Variants in CHTOP observed in about 807,000 individuals in gnomAD.
The protein encoded by CHTOP is chromatin target of PRMT1.
CHTOP carries 18 observed loss-of-function variants against 33.6 expected under a neutral mutation model. The ratio of observed to expected loss-of-function variants is 0.54; its 90% CI spans 0.37 to 0.80. The LOEUF is 0.80. Among genes scored for constraint, CHTOP ranks in the 30% least tolerant of loss-of-function variants. The probability of loss-of-function intolerance (pLI) is 0.00; values close to 1 mark genes in which losing one functional copy is unlikely to be tolerated. For missense variants in CHTOP, 263 were observed against 336.8 expected, an observed-to-expected ratio of 0.78 and a Z score of 1.71; for synonymous variants, 117 against 127.7, an observed-to-expected ratio of 0.92 and a Z score of 0.56.
chr1:153,643,507 C>A, intron 5 of CHTOP, 143 bp downstream of exon 5: 1 of 849,102 alleles, frequency 1.2e-6, no homozygotes, highest in Non-Finnish European at 1.7e-6. Flanking sequence ...GCTTATTTTT[C>A]AAATTACCAT....
intron 3 of CHTOP, 135 bp downstream of exon 3, chr1:153,638,583 A>T (rs1307717061): frequency 2.0e-6 from 2 of 1,005,786 alleles, no homozygotes; most frequent in African/African-American, 1.6e-5. Context: ...GAAGAAAGAG[A>T]AGTTCAGAGA....
At chr1:153,642,480 C>A (rs772128206) in intron 4 of CHTOP, 51 bp downstream of exon 4, 4 of 1,462,152 alleles carry the variant, frequency 2.7e-6, no homozygotes, top group Non-Finnish European at 3.7e-6. Context: ...CTTCCCTTTT[C>A]TCTTGGGCTG....
rs1668818013 is a variant in CHTOP at position 153,646,110 on chromosome 1, G to T, written c.*841G>T. 1 of 152,212 alleles carries T rather than the reference G, an allele frequency of 6.6e-6. No individual in the cohort carries two copies. The highest frequency in any genetic ancestry group is 2.1e-4 in the South Asian group (1 of 4,830). 9.4% of individuals were successfully genotyped at this position (152,212 alleles called of 1,614,324 possible). A position where few individuals can be genotyped will look rare whatever the true frequency, so the allele number is the denominator to read the frequency against. On this transcript the variant is annotated 3_prime_UTR_variant, in exon 6 of 6. Transcript: ENST00000368694. ...GATGGCAGACGAACTGCTGGAAGAG[G>T]TCAGAAGATAGCCATGCTAAAATGC...
At chr1:153,643,609 G>T in intron 5 of CHTOP, 1 of 367,300 alleles carries the variant, frequency 2.7e-6, no homozygotes, top group Non-Finnish European at 4.8e-6. Flanking sequence ...CCAAGCTCTT[G>T]CAAATTTAAA....
rs537383875 is a variant in CHTOP, at chr1:153,638,440, C to G, written c.211C>G (p.Leu71Val). 6 of 1,614,216 alleles carry G rather than the reference C, an allele frequency of 3.7e-6. No homozygotes were observed. The South Asian group carries it at 6.6e-5, about 18-fold the overall frequency. ...ACCCTCTGTCCAGGCAGCATTAAAACTTAAGCAGGTGAGAGAATGGGTCTT... is the reference window on the plus strand; with the variant it reads ...ACCCTCTGTCCAGGCAGCATTAAAAGTTAAGCAGGTGAGAGAATGGGTCTT... The part of the protein sequence containing the change: ...NRPSVQAALK[L>V]KQSLKQRLGK... Residue 71 changes from leucine to valine, a missense_variant, in exon 3 of 6, where the codon CTT becomes GTT. Around this residue, in one of 3 missense-constraint regions of CHTOP, gnomAD observed 73 missense variants for 108.9 expected, o/e 0.67. Coordinates refer to ENST00000368694, the MANE Select transcript of CHTOP (RefSeq NM_015607.4).
rs771296224 is a variant in CHTOP at position 153,643,241 on chromosome 1, C to T, written c.418C>T (p.Arg140Ter). 1.2e-6 allele frequency: 2 copies of T among 1,614,064 alleles called. No individual in the cohort carries two copies. The highest frequency in any genetic ancestry group is 2.2e-5 in the East Asian group (1 of 44,880). ...GMSLRGQNLL[R>*]GGRAVAPRMG... ...TCCTCTCTAAGGTCAAAACCTGCTC[C>T]GAGGTGGACGAGCCGTAGCTCCCCG... Residue 140 changes from arginine to a stop codon, truncating the protein, a stop_gained, in exon 5 of 6, where the codon CGA becomes TGA. Coordinates refer to ENST00000368694, the MANE Select transcript of CHTOP (RefSeq NM_015607.4). LOFTEE classifies it high-confidence loss of function.
chr1:153,640,758 G>A (rs1216926898), intron 3 of CHTOP, among the ~76,000 whole-genome samples: 4 of 152,160 alleles, frequency 2.6e-5, no homozygotes, highest in East Asian at 1.9e-4. Flanking sequence ...GCAACAGAGC[G>A]AGACTGTATC....
At chr1:153,638,197 G>A (rs539211932) in intron 2 of CHTOP, 98 bp from the exon 3 acceptor site, 21 of 1,306,724 alleles carry the variant, frequency 1.6e-5, no homozygotes, top group South Asian at 1.2e-4. Context: ...TTAAAAGTTC[G>A]TGGGATCTGG....
chr1:153,636,472 A>G, intron 1 of CHTOP, 100 bp from the exon 2 acceptor site: 1 of 847,946 alleles, frequency 1.2e-6, no homozygotes, highest in South Asian at 1.6e-5. Flanking sequence ...TTTAGTCATC[A>G]GTGATAAGGC....
At chr1:153,643,003 C>G (rs1033739686) in intron 4 of CHTOP, 1 of 561,532 alleles carries the variant, frequency 1.8e-6, no homozygotes, top group South Asian at 1.9e-5. Flanking sequence ...TATGTACTTA[C>G]TAATTGAATT....
chr1:153,635,208 C>G (rs1668316796), intron 1 of CHTOP, among the ~76,000 whole-genome samples: 1 of 151,226 alleles, frequency 6.6e-6, no homozygotes, highest in Non-Finnish European at 1.5e-5. Context: ...ATTAGAAGCA[C>G]CTAGGTAGCT....
intron 5 of CHTOP, 76 bp downstream of exon 5, chr1:153,643,440 A>G: frequency 7.1e-7 from 1 of 1,416,668 alleles, no homozygotes. Flanking sequence ...ACCTTTCTGC[A>G]CAGCTTCAAG....
intron 1 of CHTOP, among the ~76,000 whole-genome samples, chr1:153,635,674 T>G (rs992939635): frequency 5.3e-5 from 8 of 151,728 alleles, no homozygotes; most frequent in African/African-American, 1.7e-4. Context: ...TAAAAAAAAA[T>G]TAGCCGGGCA....
At chr1:153,634,694 G>A (rs1668264485) in intron 1 of CHTOP, among the ~76,000 whole-genome samples, 1 of 73,758 alleles carries the variant, frequency 1.4e-5, no homozygotes, top group South Asian at 5.5e-4. Flanking sequence ...TTTGTGGAGG[G>A]CTCTTTGCGA....
chr1:153,641,331 G>A (rs544148890), intron 3 of CHTOP, among the ~76,000 whole-genome samples: 1 of 152,290 alleles, frequency 6.6e-6, no homozygotes, highest in African/African-American at 2.4e-5. Flanking sequence ...TGTGTTCAGG[G>A]CTATTGCTGT....
intron 2 of CHTOP, 72 bp downstream of exon 2, chr1:153,636,725 C>T: frequency 2.3e-6 from 3 of 1,312,314 alleles, no homozygotes; most frequent in Middle Eastern, 1.8e-4. Flanking sequence ...GGGTCCAATG[C>T]ACAAAGCCAA....
Position 153,645,300 on chromosome 1 carries a change from GTTAGTC to G in CHTOP, c.*32_*37del. ...GCCCATCCTCCCATGAGAGACTCTT[GTTAGTC>G]AACACATCTGTAAATAACCTTGAGA... On this transcript the variant is annotated 3_prime_UTR_variant, in exon 6 of 6. Coordinates refer to ENST00000368694, the MANE Select transcript of CHTOP (RefSeq NM_015607.4). 2 of 1,600,516 alleles carry G rather than the reference GTTAGTC, an allele frequency of 1.2e-6. No individual in the cohort carries two copies. Among genetic ancestry groups the G allele is most frequent in the Non-Finnish European group, 1.7e-6 (2 of 1,168,718 alleles).
At position 153,642,339 on chromosome 1, in the gene CHTOP, C is replaced by T; in HGVS notation, c.313C>T (p.Leu105=). The change falls in exon 4 of 6, where the codon CTA becomes TTA. Residue 105 remains leucine (L), a synonymous_variant. Coordinates refer to ENST00000368694, the MANE Select transcript of CHTOP (RefSeq NM_015607.4). ...CAGGGGAGCAATCGGAGGACGAGGC[C>T]TACCCATAATCCAGAGAGGCTTGCC... ...LARGAIGGRG[L]PIIQRGLPRG... 6.2e-7 allele frequency: 1 copy of T among 1,614,154 alleles called. No homozygotes were observed. The highest frequency in any genetic ancestry group is 8.5e-7 in the Non-Finnish European group (1 of 1,180,018).
chr1:153,638,431 G>A lies in CHTOP; in HGVS notation c.202G>A (p.Ala68Thr). The A allele has an allele frequency of 6.2e-7, 1 of 1,614,230 alleles. No homozygotes were observed. Among genetic ancestry groups the A allele is most frequent in the Non-Finnish European group, 8.5e-7 (1 of 1,180,040 alleles). Residue 68 changes from alanine to threonine, a missense_variant, in exon 3 of 6, where the codon GCA becomes ACA. Transcript: ENST00000368694. ...QMENRPSVQA[A>T]LKLKQSLKQR... ...GGAGAATAGACCCTCTGTCCAGGCA[G>A]CATTAAAACTTAAGCAGGTGAGAGA...
Sources: gnomAD v4.1 joint callset for allele counts (sites outside exome capture counted in the v4.1 genomes callset) on GRCh38, gnomAD v4.1.1 for gene constraint, gnomAD v4.1.1 regional missense constraint, MANE v1.5 for transcripts, NCBI Gene and HGNC (gene_info 2026-07-23, HGNC 2026-07-21) for gene names.